Variants in SMARCA2 observed in about 807,000 individuals in gnomAD.
The protein encoded by SMARCA2 is SWI/SNF-related matrix-associated actin-dependent regulator of chromatin subfamily A member 2.
SMARCA2 carries 61 observed loss-of-function variants against 199.8 expected under a neutral mutation model. The observed-to-expected ratio is 0.31, with a 90% CI of 0.25 to 0.38. The LOEUF is 0.38. Among genes scored for constraint, SMARCA2 ranks in the 10% least tolerant of loss-of-function variants. SMARCA2 has a pLI of 1.00. For synonymous variants in SMARCA2, 935 were observed against 732.0 expected, an observed-to-expected ratio of 1.28 and a Z score of -4.48; for missense variants, 1,344 against 2,012.2, an observed-to-expected ratio of 0.67 and a Z score of 6.35.
intron 23 of SMARCA2, among the ~76,000 whole-genome samples, chr9:2,106,133 C>T (rs943575967): frequency 2.0e-5 from 3 of 152,144 alleles, no homozygotes; most frequent in Non-Finnish European, 2.9e-5. Context: ...TACTGTTATC[C>T]CTGTCAACCA....
At chr9:2,129,418 G>A (rs923389722) in intron 27 of SMARCA2, among the ~76,000 whole-genome samples, 7 of 151,920 alleles carry the variant, frequency 4.6e-5, no homozygotes, top group African/African-American at 7.3e-5. Context: ...ACTCCATCTC[G>A]AAAAAAGGGG....
At chr9:2,143,082 G>A (rs1430744698) in intron 27 of SMARCA2, among the ~76,000 whole-genome samples, 4 of 152,190 alleles carry the variant, frequency 2.6e-5, no homozygotes, top group African/African-American at 4.8e-5. Context: ...AAAAGTACCT[G>A]TAATGTATTG....
intron 12 of SMARCA2, among the ~76,000 whole-genome samples, chr9:2,074,743 C>T (rs114364878): frequency 4.6e-5 from 7 of 152,070 alleles, no homozygotes; most frequent in African/African-American, 9.7e-5. Flanking sequence ...GACGCATGCC[C>T]GCAGTTCCAG....
chr9:2,035,467 C>T (rs1475195500), intron 3 of SMARCA2, among the ~76,000 whole-genome samples: 1 of 152,152 alleles, frequency 6.6e-6, no homozygotes, highest in African/African-American at 2.4e-5. Context: ...CCTAGGAAAA[C>T]CTGAAAACTA....
At chr9:2,030,009 CA>C (rs1818994136) in intron 2 of SMARCA2, among the ~76,000 whole-genome samples, 1 of 152,092 alleles carries the variant, frequency 6.6e-6, no homozygotes, top group African/African-American at 2.4e-5. Flanking sequence ...TGAAAGTAAG[CA>C]ATAGCCAAGA....
intron 1 of SMARCA2, among the ~76,000 whole-genome samples, chr9:2,028,161 A>G (rs1399092683): frequency 6.6e-6 from 1 of 152,236 alleles, no homozygotes; most frequent in Non-Finnish European, 1.5e-5. Flanking sequence ...GACCAGAGCC[A>G]GGTCTGGGAC....
At chr9:2,157,953 T>C in intron 27 of SMARCA2, 2 of 398,288 alleles carry the variant, frequency 5.0e-6, no homozygotes, top group East Asian at 3.6e-5. Context: ...GGGTCTGCCA[T>C]GTGCTTTGCT....
At chr9:2,137,716 T>C (rs1824266507) in intron 27 of SMARCA2, among the ~76,000 whole-genome samples, 1 of 152,226 alleles carries the variant, frequency 6.6e-6, no homozygotes, top group East Asian at 1.9e-4. Flanking sequence ...GCCTGTCTTC[T>C]TGACTGCTAT....
At chr9:2,059,967 G>A (rs995263706) in intron 8 of SMARCA2, among the ~76,000 whole-genome samples, 1 of 151,946 alleles carries the variant, frequency 6.6e-6, no homozygotes, top group Non-Finnish European at 1.5e-5. Flanking sequence ...GTACATCAGA[G>A]TTTTATTCTG....
At chr9:2,074,944 T>C (rs1468508453) in intron 12 of SMARCA2, 1 of 152,228 alleles carries the variant, frequency 6.6e-6, no homozygotes, top group East Asian at 1.9e-4. Flanking sequence ...TCTAAGATAT[T>C]TAAAGGTGTC....
intron 9 of SMARCA2, among the ~76,000 whole-genome samples, chr9:2,069,488 G>A (rs1820996909): frequency 6.6e-6 from 1 of 151,580 alleles, no homozygotes; most frequent in Non-Finnish European, 1.5e-5. Flanking sequence ...GAACACGGGA[G>A]GCGGAGCTTG....
At position 2,101,322 on chromosome 9, in the gene SMARCA2, G is replaced by A. The variant is rs10964758; in HGVS notation, c.3079-248G>A. 0.095 allele frequency among the ~76,000 whole-genome samples: 14,505 copies of A among 151,936 alleles called. 785 individuals are homozygous for A. The highest frequency in any genetic ancestry group is 0.17 in the Middle Eastern group (48 of 290). On this transcript the variant is annotated intron_variant, in intron 21 of 33. Transcript: ENST00000349721. The stretch of plus-strand genomic sequence containing the variant: ...GTGGGTGCTCAGTGACTGTGTGATG[G>A]GTAAAGTAACCCTGTTACCTGAGAG...
At chr9:2,100,153 C>G (rs1005990917) in intron 21 of SMARCA2, among the ~76,000 whole-genome samples, 5 of 152,200 alleles carry the variant, frequency 3.3e-5, no homozygotes, top group African/African-American at 1.2e-4. Context: ...GAAGGTGTAA[C>G]CTGCTCTCCA....
At chr9:2,046,569 A>G (rs1162205190) in intron 4 of SMARCA2, among the ~76,000 whole-genome samples, 1 of 152,218 alleles carries the variant, frequency 6.6e-6, no homozygotes, top group East Asian at 1.9e-4. Flanking sequence ...CTTAAAAGAA[A>G]AAGTGTGTGC....
chr9:2,086,915 T>C lies in SMARCA2; in HGVS notation c.2613T>C (p.Tyr871=). ...TGACTCAGGTCTTGAACACTCACTATGTGGCCCCCAGAAGGATCCTCTTGA... is the reference window on the plus strand; with the variant it reads ...TGACTCAGGTCTTGAACACTCACTACGTGGCCCCCAGAAGGATCCTCTTGA... ...CKLTQVLNTH[Y]VAPRRILLTG... is the part of the protein sequence containing the mutation. Residue 871 remains tyrosine, a synonymous_variant, in exon 18 of 34, where the codon TAT becomes TAC. Coordinates refer to ENST00000349721, the MANE Select transcript of SMARCA2 (RefSeq NM_003070.5). The surrounding 1 kb of genome is among the most constrained non-coding windows in gnomAD (Gnocchi z 4.3). The C allele has an allele frequency of 6.2e-7, 1 of 1,614,200 alleles. No individual in the cohort carries two copies. The highest frequency in any genetic ancestry group is 1.6e-4 in the Middle Eastern group (1 of 6,062).
intron 9 of SMARCA2, among the ~76,000 whole-genome samples, chr9:2,062,561 A>G (rs990799550): frequency 2.0e-5 from 3 of 152,194 alleles, no homozygotes; most frequent in Non-Finnish European, 4.4e-5. Context: ...TGTACAGAAC[A>G]GGGACTTGTC....
chr9:2,065,701 T>C (rs1401074277), intron 9 of SMARCA2, among the ~76,000 whole-genome samples: 1 of 136,982 alleles, frequency 7.3e-6, no homozygotes, highest in Non-Finnish European at 1.5e-5. Context: ...ATTCTTCTCA[T>C]TTTTTTTAAT....
At position 2,017,106 on chromosome 9, in the gene SMARCA2, A is replaced by AATCGCCTCCTGCCAGTGTCTG. The variant is rs1818386995; in HGVS notation, c.-37+1708_-37+1728dup. On this transcript the variant is annotated intron_variant, in intron 1 of 33. Coordinates refer to ENST00000349721, the MANE Select transcript of SMARCA2 (RefSeq NM_003070.5). This position sits in a 1 kb window ranked among gnomAD's most constrained non-coding sequence, Gnocchi z 8.8. ...GGCCGGTTTCCGGTACACGCGGGGA[A>AATCGCCTCCTGCCAGTGTCTG]ATCGCCTCCTGCCAGTGTCTGATCG... The AATCGCCTCCTGCCAGTGTCTG allele has an allele frequency of 6.6e-6, 1 of 152,188 alleles. No individual in the cohort carries two copies. The highest frequency in any genetic ancestry group is 1.5e-5 in the Non-Finnish European group (1 of 68,086). 9.4% of individuals were successfully genotyped at this position (152,188 alleles called of 1,614,324 possible).
intron 29 of SMARCA2, among the ~76,000 whole-genome samples, chr9:2,180,507 A>G (rs548270799): frequency 6.6e-6 from 1 of 152,322 alleles, no homozygotes; most frequent in African/African-American, 2.4e-5. Flanking sequence ...ACAAGCTCCT[A>G]GAATCACCTT....
Sources: gnomAD v4.1 joint callset for allele counts (sites outside exome capture counted in the v4.1 genomes callset) on GRCh38, gnomAD v4.1.1 for gene constraint, Gnocchi (gnomAD v3.1) non-coding constraint, MANE v1.5 for transcripts, NCBI Gene and HGNC (gene_info 2026-07-23, HGNC 2026-07-21) for gene names.